AUTS2: variants seen among roughly 807,000 people sequenced by gnomAD.
The protein encoded by AUTS2 is activator of transcription and developmental regulator AUTS2, also known as autism susceptibility gene 2 protein.
A neutral mutation model predicts 112.4 loss-of-function variants in AUTS2; 17 were observed. The ratio of observed to expected loss-of-function variants is 0.15; its 90% confidence interval spans 0.10 to 0.23. The LOEUF is 0.23. Ranked by LOEUF, AUTS2 falls within the 10% of genes least tolerant of loss-of-function variation. The probability of loss-of-function intolerance (pLI) is 1.00; values close to 1 mark genes in which losing one functional copy is unlikely to be tolerated. For synonymous variants in AUTS2, 751 were observed against 702.7 expected, an observed-to-expected ratio of 1.07 and a Z score of -1.09; for missense variants, 1,510 against 1,701.6, an observed-to-expected ratio of 0.89 and a Z score of 1.98.
intron 1 of AUTS2, among the ~76,000 whole-genome samples, chr7:69,791,206 T>C (rs1165868445): frequency 1.3e-5 from 2 of 152,214 alleles, no homozygotes; most frequent in Admixed American, 1.3e-4. Flanking sequence ...TTGTGTTCCC[T>C]CGACTGAATG....
At chr7:70,076,951 T>C (rs1218466566) in intron 2 of AUTS2, among the ~76,000 whole-genome samples, 1 of 152,084 alleles carries the variant, frequency 6.6e-6, no homozygotes, top group East Asian at 1.9e-4. Flanking sequence ...TTAGAAATGG[T>C]TGAAAGAAGT....
At chr7:70,379,909 CTG>C (rs1248598255) in intron 4 of AUTS2, among the ~76,000 whole-genome samples, 6 of 152,144 alleles carry the variant, frequency 3.9e-5, no homozygotes, top group African/African-American at 1.4e-4. Context: ...AGGCAAATAA[CTG>C]TGCTGTGTTG....
intron 2 of AUTS2, among the ~76,000 whole-genome samples, chr7:70,115,984 C>T (rs963519503): frequency 1.3e-5 from 2 of 152,000 alleles, no homozygotes; most frequent in Non-Finnish European, 2.9e-5. Flanking sequence ...GGACAAGAAA[C>T]GTTCAGGGAA....
intron 5 of AUTS2, among the ~76,000 whole-genome samples, chr7:70,469,320 A>ATT (rs2115828915): frequency 6.6e-6 from 1 of 152,338 alleles, no homozygotes; most frequent in African/African-American, 2.4e-5. Flanking sequence ...GGGGGGTGCT[A>ATT]TTATGATACA....
intron 2 of AUTS2, among the ~76,000 whole-genome samples, chr7:69,910,716 C>T (rs1224576355): frequency 6.6e-6 from 1 of 152,184 alleles, no homozygotes; most frequent in Non-Finnish European, 1.5e-5. Context: ...GCAACCTCTG[C>T]CTCCTGGTTT....
At chr7:70,003,163 T>G (rs1799279054) in intron 2 of AUTS2, among the ~76,000 whole-genome samples, 1 of 136,548 alleles carries the variant, frequency 7.3e-6, no homozygotes, top group South Asian at 2.2e-4. Context: ...TTATATATAT[T>G]CATATATATT....
At chr7:70,181,507 G>C (rs1375279232) in intron 4 of AUTS2, among the ~76,000 whole-genome samples, 15 of 146,770 alleles carry the variant, frequency 1.0e-4, no homozygotes, top group Non-Finnish European at 1.8e-4. Flanking sequence ...TTTTTTTTGA[G>C]ATGGAGTTTT....
At chr7:69,886,022 A>G (rs1396641884) in intron 1 of AUTS2, among the ~76,000 whole-genome samples, 1 of 152,198 alleles carries the variant, frequency 6.6e-6, no homozygotes, top group African/African-American at 2.4e-5. Context: ...CCTCCACTGA[A>G]TTGATGAATT....
chr7:70,543,701 A>T (rs1252333110), intron 5 of AUTS2, among the ~76,000 whole-genome samples: 2 of 152,198 alleles, frequency 1.3e-5, no homozygotes, highest in Non-Finnish European at 2.9e-5. Context: ...TCACAAGCTC[A>T]GGAGCCATGG....
chr7:69,709,210 C>T (rs1388858935), intron 1 of AUTS2, among the ~76,000 whole-genome samples: 5 of 152,228 alleles, frequency 3.3e-5, no homozygotes, highest in Non-Finnish European at 7.3e-5. Flanking sequence ...CTCCTTTCTT[C>T]CTCTTTGGTG....
At chr7:70,422,615 A>G (rs1795269003) in intron 4 of AUTS2, among the ~76,000 whole-genome samples, 1 of 152,226 alleles carries the variant, frequency 6.6e-6, no homozygotes, top group South Asian at 2.1e-4. Context: ...TGTCTGTACT[A>G]AAAACACAAA....
At chr7:70,494,912 A>G (rs1798390511) in intron 5 of AUTS2, among the ~76,000 whole-genome samples, 1 of 152,118 alleles carries the variant, frequency 6.6e-6, no homozygotes, top group Admixed American at 6.5e-5. Flanking sequence ...CTTACCCTCC[A>G]GAGTTAGGTG....
At chr7:70,301,832 C>T (rs968054325) in intron 4 of AUTS2, among the ~76,000 whole-genome samples, 42 of 152,274 alleles carry the variant, frequency 2.8e-4, no homozygotes, top group African/African-American at 7.9e-4. Flanking sequence ...GATCTTGGCT[C>T]ACTGCAACTT....
At position 70,600,334 on chromosome 7, in the gene AUTS2, G is replaced by A. The variant is rs371501109; in HGVS notation, c.691-98235G>A. Among the ~76,000 whole-genome samples, 3 of 152,232 alleles carry A rather than the reference G, an allele frequency of 2.0e-5. No individual in the cohort carries two copies. The East Asian group carries it at 5.8e-4, about 29-fold the overall frequency. On this transcript the variant is annotated intron_variant, in intron 5 of 18. Transcript: ENST00000342771. ...TCTGTTGCCCAGGCTGGAGTGCGGTGGTGCCATCTTGGCTTACTGCAACCT... is the reference window on the plus strand; with the variant it reads ...TCTGTTGCCCAGGCTGGAGTGCGGTAGTGCCATCTTGGCTTACTGCAACCT...
At chr7:70,043,825 T>C (rs1177710302) in intron 2 of AUTS2, among the ~76,000 whole-genome samples, 3 of 152,042 alleles carry the variant, frequency 2.0e-5, no homozygotes, top group Admixed American at 6.5e-5. Flanking sequence ...GTCAGGCTGC[T>C]CTCGGACTCC....
intron 4 of AUTS2, among the ~76,000 whole-genome samples, chr7:70,266,477 T>C (rs1228375412): frequency 6.6e-6 from 1 of 152,134 alleles, no homozygotes; most frequent in Non-Finnish European, 1.5e-5. Context: ...CTGAAAACCC[T>C]GTGAAATGTA....
intron 3 of AUTS2, among the ~76,000 whole-genome samples, chr7:70,123,959 C>T (rs1187530761): frequency 6.6e-6 from 1 of 152,070 alleles, no homozygotes; most frequent in Non-Finnish European, 1.5e-5. Context: ...AATGTACACT[C>T]CCACCGATAG....
chr7:70,094,233 A>G (rs1804070723), intron 2 of AUTS2, among the ~76,000 whole-genome samples: 1 of 152,186 alleles, frequency 6.6e-6, no homozygotes, highest in Admixed American at 6.5e-5. Context: ...GTATGTATTT[A>G]TATATATTTG....
chr7:70,012,639 T>C (rs932607035), intron 2 of AUTS2, among the ~76,000 whole-genome samples: 2 of 152,194 alleles, frequency 1.3e-5, no homozygotes, highest in Non-Finnish European at 2.9e-5. Context: ...ATTCAATTCA[T>C]TTCATTCATT....
Sources: allele counts gnomAD v4.1 joint callset (sites outside exome capture counted in the v4.1 genomes callset), GRCh38; gene constraint gnomAD v4.1.1; transcripts MANE v1.5; gene names NCBI Gene and HGNC (gene_info 2026-07-23, HGNC 2026-07-21).